PPP6R3: variants seen among roughly 807,000 people sequenced by gnomAD.
PPP6R3 encodes the protein protein phosphatase 6 regulatory subunit 3, also known as serine/threonine-protein phosphatase 6 regulatory subunit 3.
Under a neutral mutation model 110.7 loss-of-function variants are expected in PPP6R3, and 38 were observed. That is an observed-to-expected ratio of 0.34 (90% CI 0.26 to 0.45). PPP6R3 has a LOEUF of 0.45. PPP6R3 is among the 20% of genes least tolerant of loss of function. The pLI, the probability that PPP6R3 is intolerant of heterozygous loss-of-function variation, is 1.00. For synonymous variants in PPP6R3, 369 were observed against 373.5 expected (o/e 0.99, Z 0.14); for missense variants, 870 against 1,062.4 (o/e 0.82, Z 2.52).
chr11:68,590,689 A>G lies in PPP6R3; in HGVS notation c.1760A>G (p.Asn587Ser), dbSNP rs777848026. The G allele has an allele frequency of 6.3e-6, 10 of 1,594,252 alleles. No homozygotes were observed. Among genetic ancestry groups the G allele is most frequent in the East Asian group, 2.2e-5 (1 of 44,678 alleles). ...TCTTTTGATCGAGTATCAGACATCA[A>G]CTTTACTCTCAATACAAATGAAAGT... ...NVSFDRVSDI[N>S]FTLNTNESGN... Residue 587 changes from asparagine (N) to serine (S), a missense_variant, in exon 17 of 24, where the codon AAC becomes AGC. Coordinates refer to ENST00000393800, the MANE Select transcript of PPP6R3 (RefSeq NM_001164161.2).
chr11:68,480,217 T>C (rs1199745708), intron 1 of PPP6R3, among the ~76,000 whole-genome samples: 1 of 152,222 alleles, frequency 6.6e-6, no homozygotes, highest in Admixed American at 6.5e-5. Flanking sequence ...GTTGCATGCT[T>C]TTCTGCTCTG....
intron 1 of PPP6R3, among the ~76,000 whole-genome samples, chr11:68,475,691 C>G (rs2098825424): frequency 6.6e-6 from 1 of 150,908 alleles, no homozygotes; most frequent in Non-Finnish European, 1.5e-5. Flanking sequence ...TGCCCCCCAC[C>G]TCCCTCCCGG....
At chr11:68,523,930 G>A (rs1382840123) in intron 2 of PPP6R3, among the ~76,000 whole-genome samples, 1 of 151,916 alleles carries the variant, frequency 6.6e-6, no homozygotes, top group Non-Finnish European at 1.5e-5. Flanking sequence ...AGAATGCGTG[G>A]GGTTCAACCC....
intron 2 of PPP6R3, among the ~76,000 whole-genome samples, chr11:68,520,379 A>G (rs1286466590): frequency 1.3e-5 from 2 of 152,188 alleles, no homozygotes; most frequent in East Asian, 3.9e-4. Context: ...TATTGGTTCT[A>G]CTGTTGACTC....
chr11:68,506,408 T>C (rs1392707438), intron 1 of PPP6R3, among the ~76,000 whole-genome samples: 1 of 63,014 alleles, frequency 1.6e-5, no homozygotes, highest in Non-Finnish European at 3.2e-5. Context: ...CCCAGCCCTT[T>C]ATACTCAAAA....
intron 1 of PPP6R3, among the ~76,000 whole-genome samples, chr11:68,508,781 AGGTTGTGT>A (rs2099092424): frequency 0.038 from 83 of 2,166 alleles, no homozygotes; most frequent in African/African-American, 0.067. Context: ...TGACAGGGTT[AGGTTGTGT>A]GACAGGGTTA....
chr11:68,533,646 A>G (rs2099253153), intron 2 of PPP6R3, among the ~76,000 whole-genome samples: 1 of 133,036 alleles, frequency 7.5e-6, no homozygotes, highest in Non-Finnish European at 1.6e-5. Context: ...CAGAGGTTGT[A>G]GTGAGCCAGG....
intron 1 of PPP6R3, among the ~76,000 whole-genome samples, chr11:68,517,708 C>T (rs1378699108): frequency 2.0e-5 from 3 of 152,126 alleles, no homozygotes; most frequent in Admixed American, 6.5e-5. Context: ...GAGGCCAAGG[C>T]GGACGGATCA....
intron 1 of PPP6R3, among the ~76,000 whole-genome samples, chr11:68,516,709 C>A (rs1328093850): frequency 6.6e-6 from 1 of 152,166 alleles, no homozygotes; most frequent in Non-Finnish European, 1.5e-5. Flanking sequence ...GAGTGTAGAA[C>A]CATAAGTGGA....
Position 68,544,769 on chromosome 11 carries a change from G to C in PPP6R3, c.228-69G>C, listed in dbSNP as rs2099342030. ...TCACAAAATCTTGGGAAGCCTTTCT[G>C]ATTTGTGTTTATCTTTATGTAATTA... is the stretch of plus-strand genomic sequence containing the variant. On this transcript the variant is annotated intron_variant, in intron 3 of 23. Transcript: ENST00000393800. 8 of 1,103,192 alleles carry C rather than the reference G, an allele frequency of 7.3e-6. No homozygotes were observed. The South Asian group carries it at 1.7e-4, about 23-fold the overall frequency. 68.3% of individuals were successfully genotyped at this position (1,103,192 alleles called of 1,614,324 possible).
At chr11:68,569,634 T>A in intron 10 of PPP6R3, 114 bp from the exon 11 acceptor site, 1 of 959,308 alleles carries the variant, frequency 1.0e-6, no homozygotes, top group Non-Finnish European at 1.5e-6. Context: ...ATTGGTCCTT[T>A]TGGACTGAGA....
At chr11:68,584,364 C>G (rs1052898284) in intron 15 of PPP6R3, among the ~76,000 whole-genome samples, 2 of 152,188 alleles carry the variant, frequency 1.3e-5, no homozygotes, top group African/African-American at 4.8e-5. Flanking sequence ...ACAATGGGCT[C>G]TCCCTCCACT....
chr11:68,517,442 T>C (rs1164021831), intron 1 of PPP6R3, among the ~76,000 whole-genome samples: 1 of 152,090 alleles, frequency 6.6e-6, no homozygotes, highest in East Asian at 1.9e-4. Context: ...TCATTTTAAA[T>C]TACATCCCCC....
intron 1 of PPP6R3, among the ~76,000 whole-genome samples, chr11:68,517,505 G>C (rs896632486): frequency 6.6e-6 from 1 of 152,156 alleles, no homozygotes; most frequent in Non-Finnish European, 1.5e-5. Flanking sequence ...AAGCCGAACA[G>C]AGAATGCATA....
intron 4 of PPP6R3, among the ~76,000 whole-genome samples, chr11:68,545,649 G>T (rs1297594533): frequency 1.3e-5 from 2 of 152,172 alleles, no homozygotes; most frequent in African/African-American, 4.8e-5. Context: ...CTGAGAATTT[G>T]TTAGAAATGT....
chr11:68,524,604 C>T (rs952901189), intron 2 of PPP6R3, among the ~76,000 whole-genome samples: 1 of 152,084 alleles, frequency 6.6e-6, no homozygotes, highest in Non-Finnish European at 1.5e-5. Context: ...TGTTTCTTTT[C>T]TTCACTTCAG....
In PPP6R3 at chr11:68,587,972, G is replaced by A. The variant is rs2099583920; in HGVS notation, c.1678G>A (p.Asp560Asn). The change falls in exon 16 of 24, where the codon GAC (aspartate) becomes AAC (asparagine). Residue 560 changes from aspartate (D) to asparagine (N), a missense_variant. Physicochemically the swap from Asp to Asn is conservative, Grantham distance 23. Transcript: ENST00000393800. ...QMQQMTSNFI[D>N]QFGFNDEKFA... is the part of the protein sequence containing the mutation. Reference sequence around the variant, plus strand: ...GCAACAAATGACGTCCAATTTTATTGACCAGTTTGGCTTCAACGATGAGAA... The same window carrying A: ...GCAACAAATGACGTCCAATTTTATTAACCAGTTTGGCTTCAACGATGAGAA... The A allele has an allele frequency of 2.5e-6, 4 of 1,614,146 alleles. No individual in the cohort carries two copies. The highest frequency in any genetic ancestry group is 3.4e-6 in the Non-Finnish European group (4 of 1,180,020).
At chr11:68,464,612 T>G (rs1231549519) in intron 1 of PPP6R3, among the ~76,000 whole-genome samples, 2 of 152,208 alleles carry the variant, frequency 1.3e-5, no homozygotes, top group Non-Finnish European at 2.9e-5. Flanking sequence ...GTGGGGATTA[T>G]TTAGATGGTA....
At chr11:68,537,564 G>T in intron 2 of PPP6R3, 95 bp from the exon 3 acceptor site, 1 of 808,850 alleles carries the variant, frequency 1.2e-6, no homozygotes. Context: ...AGCCAAGTTG[G>T]CATTTTAGAT....
Sources: gnomAD v4.1 joint callset for allele counts (sites outside exome capture counted in the v4.1 genomes callset) on GRCh38, gnomAD v4.1.1 for gene constraint, MANE v1.5 for transcripts, NCBI Gene and HGNC (gene_info 2026-07-23, HGNC 2026-07-21) for gene names.